Variants in HEATR5A observed in about 807,000 individuals in gnomAD.
HEATR5A encodes the protein HEAT repeat containing 5A, also known as HEAT repeat-containing protein 5A.
Under a neutral mutation model 218.8 loss-of-function variants are expected in HEATR5A, and 178 were observed. The ratio of observed to expected loss-of-function variants is 0.81; its 90% CI spans 0.72 to 0.92. The LOEUF (loss-of-function observed/expected upper bound fraction) is 0.92, where lower values mean the gene tolerates loss of function less well. Among genes scored for constraint, HEATR5A ranks in the 40% least tolerant of loss-of-function variants. The probability of loss-of-function intolerance (pLI) is 0.00; values close to 1 mark genes in which losing one functional copy is unlikely to be tolerated. For synonymous variants in HEATR5A, 864 were observed against 871.6 expected (o/e 0.99, Z 0.15); for missense variants, 2,420 against 2,418.9 (o/e 1.00, Z -0.01).
intron 31 of HEATR5A, among the ~76,000 whole-genome samples, chr14:31,306,479 G>T (rs1899559866): frequency 6.6e-6 from 1 of 151,184 alleles, no homozygotes; most frequent in South Asian, 2.1e-4. Flanking sequence ...GTGAGACCTT[G>T]TCTCACTAAA....
Position 31,394,205 on chromosome 14 carries a change from C to T in HEATR5A, c.619G>A (p.Glu207Lys). 6.7e-7 allele frequency: 1 copy of T among 1,492,402 alleles called. No individual in the cohort carries two copies. Among genetic ancestry groups the T allele is most frequent in the Non-Finnish European group, 8.9e-7 (1 of 1,129,758 alleles). 92.4% of individuals were successfully genotyped at this position (1,492,402 alleles called of 1,614,324 possible). A position where few individuals can be genotyped will look rare whatever the true frequency, so the allele number is the denominator to read the frequency against. Residue 207 changes from glutamate to lysine, a missense_variant, in exon 6 of 36, where the codon GAA (glutamate) becomes AAA (lysine). By Grantham distance (56) the Glu-to-Lys change is moderately conservative. Transcript: ENST00000543095. ...TCCGTACTCCACATAAAGATGGCTT[C>T]ATTCTGAAGTTCAAGGAGACACTAT... ...AAKCLLELQN[E>K]AIFMWSTDLD...
intron 28 of HEATR5A, among the ~76,000 whole-genome samples, chr14:31,310,962 C>G (rs1899727999): frequency 6.6e-6 from 1 of 151,972 alleles, no homozygotes; most frequent in Non-Finnish European, 1.5e-5. Flanking sequence ...TATGATTGCT[C>G]CTGTGAACAG....
chr14:31,375,423 G>A (rs1164063962), intron 11 of HEATR5A, among the ~76,000 whole-genome samples: 1 of 152,088 alleles, frequency 6.6e-6, no homozygotes, highest in African/African-American at 2.4e-5. Context: ...TTCTTTCTCT[G>A]TCCCCCAGGC....
At chr14:31,293,729 C>T (rs1899089923) in intron 35 of HEATR5A, 117 bp from the exon 36 acceptor site, 15 of 1,115,368 alleles carry the variant, frequency 1.3e-5, no homozygotes, top group East Asian at 5.2e-5. Flanking sequence ...CGTCCAATCT[C>T]TTCTAAATTA....
intron 9 of HEATR5A, among the ~76,000 whole-genome samples, chr14:31,384,046 A>T (rs1240717505): frequency 6.6e-6 from 1 of 152,166 alleles, no homozygotes. Flanking sequence ...ACAAAAGAAA[A>T]ACTTTATTTC....
intron 1 of HEATR5A, among the ~76,000 whole-genome samples, chr14:31,405,429 G>T (rs2031027915): frequency 6.6e-6 from 1 of 152,120 alleles, no homozygotes; most frequent in Admixed American, 6.6e-5. Context: ...GTGAGACTCT[G>T]TCTTGAACAA....
intron 6 of HEATR5A, among the ~76,000 whole-genome samples, chr14:31,393,169 C>T (rs115746344): frequency 6.6e-6 from 1 of 152,134 alleles, no homozygotes; most frequent in African/African-American, 2.4e-5. Flanking sequence ...TAGATCATAT[C>T]GTTTATTGGA....
At chr14:31,331,809 G>A (rs1485321220) in intron 22 of HEATR5A, among the ~76,000 whole-genome samples, 1 of 152,148 alleles carries the variant, frequency 6.6e-6, no homozygotes, top group Non-Finnish European at 1.5e-5. Context: ...AACTGAAGGG[G>A]CAAGAGCCCC....
chr14:31,318,300 G>A lies in HEATR5A; in HGVS notation c.3970-8C>T, dbSNP rs1899974684. 6.2e-7 allele frequency: 1 copy of A among 1,610,492 alleles called. No homozygotes were observed. Among genetic ancestry groups the A allele is most frequent in the Non-Finnish European group, 8.5e-7 (1 of 1,176,852 alleles). On this transcript the variant is annotated splice_region_variant and splice_polypyrimidine_tract_variant and intron_variant, in intron 25 of 35. Coordinates refer to ENST00000543095, the MANE Select transcript of HEATR5A (RefSeq NM_015473.4). ...TCTAAGCGCTGCTCCTACCTGGCAA[G>A]AAATTACATGACATATCAAACATCA...
intron 3 of HEATR5A, among the ~76,000 whole-genome samples, chr14:31,399,297 G>C (rs61414525): frequency 1.3e-5 from 2 of 152,106 alleles, no homozygotes; most frequent in African/African-American, 2.4e-5. Flanking sequence ...TAATAAGGAT[G>C]TATCAATCTG....
chr14:31,369,725 TGA>T (rs1901958991), intron 13 of HEATR5A, among the ~76,000 whole-genome samples: 1 of 149,378 alleles, frequency 6.7e-6, no homozygotes, highest in Non-Finnish European at 1.5e-5. Flanking sequence ...GTCAGGAGTT[TGA>T]GACCAGCCTG....
rs1899046208 is a variant in HEATR5A at position 31,291,945 on chromosome 14, C to CAATT, written c.*1356_*1359dup. ...TTGTTCTTGCTTCAAAATGTCTTCT[C>CAATT]AATTCTGACATGCTTCTATCACTTC... On this transcript the variant is annotated 3_prime_UTR_variant, in exon 36 of 36. Coordinates refer to ENST00000543095, the MANE Select transcript of HEATR5A (RefSeq NM_015473.4). 2 of 152,130 alleles carry CAATT rather than the reference C, an allele frequency of 1.3e-5. No homozygotes were observed. The highest frequency in any genetic ancestry group is 4.1e-4 in the South Asian group (2 of 4,830). 9.4% of individuals were successfully genotyped at this position (152,130 alleles called of 1,614,324 possible).
intron 11 of HEATR5A, among the ~76,000 whole-genome samples, chr14:31,378,287 T>A (rs1385065388): frequency 6.6e-6 from 1 of 152,232 alleles, no homozygotes; most frequent in Non-Finnish European, 1.5e-5. Context: ...CAAACAAGTG[T>A]GGTTGTACAC....
chr14:31,374,000 A>G (rs936196735), intron 12 of HEATR5A, among the ~76,000 whole-genome samples: 4 of 152,170 alleles, frequency 2.6e-5, no homozygotes, highest in South Asian at 4.1e-4. Context: ...AGTATATAAT[A>G]TATACAACAT....
intron 4 of HEATR5A, among the ~76,000 whole-genome samples, chr14:31,397,708 G>C (rs1266844342): frequency 2.0e-5 from 3 of 151,428 alleles, no homozygotes; most frequent in Non-Finnish European, 4.4e-5. Context: ...ACCCAGGATG[G>C]AGTCCAGTGG....
chr14:31,298,468 TTATTA>T (rs1385520787), intron 33 of HEATR5A, among the ~76,000 whole-genome samples: 2 of 152,120 alleles, frequency 1.3e-5, no homozygotes, highest in Non-Finnish European at 2.9e-5. Context: ...TGAATTATTA[TTATTA>T]TTTGTAGAGA....
intron 28 of HEATR5A, among the ~76,000 whole-genome samples, chr14:31,309,730 C>CTT (rs768332775): frequency 1.3e-5 from 2 of 149,534 alleles, no homozygotes; most frequent in Admixed American, 1.3e-4. Flanking sequence ...TAATTTTTTT[C>CTT]TTTTTTTTTT....
chr14:31,418,045 T>C (rs1027135663), intron 1 of HEATR5A, among the ~76,000 whole-genome samples: 15 of 150,564 alleles, frequency 1.0e-4, no homozygotes, highest in African/African-American at 3.2e-4. Context: ...CCGTCTCTAC[T>C]AAAAATACAA....
intron 13 of HEATR5A, 184 bp downstream of exon 13, chr14:31,371,626 A>T: frequency 2.5e-6 from 1 of 404,020 alleles, no homozygotes; most frequent in Non-Finnish European, 4.4e-6. Flanking sequence ...TTCCCCTAAA[A>T]TTTTCCTTCC....
Sources: gnomAD v4.1 joint callset for allele counts (sites outside exome capture counted in the v4.1 genomes callset) on GRCh38, gnomAD v4.1.1 for gene constraint, MANE v1.5 for transcripts, NCBI Gene and HGNC (gene_info 2026-07-23, HGNC 2026-07-21) for gene names.